Variants in SCAF8 observed in about 807,000 individuals in gnomAD.
SCAF8 encodes the protein SR-related CTD associated factor 8.
SCAF8 carries 23 observed loss-of-function variants against 140.5 expected under a neutral mutation model. That is an observed-to-expected ratio of 0.16 (90% CI 0.12 to 0.23). The LOEUF (loss-of-function observed/expected upper bound fraction) is 0.23. SCAF8 is among the 10% of genes least tolerant of loss of function. The pLI is 1.00. For missense variants in SCAF8, 1,397 were observed against 1,555.7 expected (o/e 0.90, Z 1.72); for synonymous variants, 575 against 528.9 (o/e 1.09, Z -1.20).
intron 18 of SCAF8, among the ~76,000 whole-genome samples, chr6:154,828,748 C>T (rs184204629): frequency 3.2e-4 from 48 of 152,078 alleles, no homozygotes; most frequent in African/African-American, 1.1e-3. Context: ...CTTGGGTTTT[C>T]GTCGAGTCTA....
chr6:154,762,166 A>G (rs1279953718), intron 1 of SCAF8, among the ~76,000 whole-genome samples: 1 of 152,238 alleles, frequency 6.6e-6, no homozygotes, highest in Non-Finnish European at 1.5e-5. Flanking sequence ...ATTGTCACAA[A>G]CTTAGCTTGT....
At chr6:154,803,398 T>C (rs1777825355) in intron 7 of SCAF8, 146 bp from the exon 8 acceptor site, 1 of 665,266 alleles carries the variant, frequency 1.5e-6, no homozygotes, top group African/African-American at 1.8e-5. Flanking sequence ...CAAAACACTT[T>C]ATAATAGTAT....
chr6:154,824,100 A>C, intron 16 of SCAF8, 134 bp from the exon 17 acceptor site: 1 of 820,792 alleles, frequency 1.2e-6, no homozygotes, highest in Non-Finnish European at 1.9e-6. Flanking sequence ...GCAAGTATAC[A>C]AAAAGGGGGC....
chr6:154,745,107 C>G (rs1007370567), intron 1 of SCAF8, among the ~76,000 whole-genome samples: 3 of 152,174 alleles, frequency 2.0e-5, no homozygotes, highest in Non-Finnish European at 4.4e-5. Flanking sequence ...TACATCACAC[C>G]TTACATTCAC....
intron 9 of SCAF8, 99 bp from the exon 10 acceptor site, chr6:154,807,971 G>A (rs1777971111): frequency 9.1e-7 from 1 of 1,099,834 alleles, no homozygotes; most frequent in East Asian, 2.5e-5. Flanking sequence ...TATGGCTCAT[G>A]TTTTTAAACA....
intron 19 of SCAF8, 46 bp from the exon 20 acceptor site, chr6:154,831,893 C>T (rs771845493): frequency 3.0e-5 from 46 of 1,514,256 alleles, no homozygotes; most frequent in Non-Finnish European, 3.9e-5. Flanking sequence ...TTATTGGAAA[C>T]TTTTGACTGT....
chr6:154,770,386 ACACTCTCTCTCTCT>A (rs772990434), intron 1 of SCAF8, among the ~76,000 whole-genome samples: 572 of 133,482 alleles, frequency 4.3e-3, no homozygotes, highest in African/African-American at 0.012. Context: ...ACACACACAC[ACACTCTCTCTCTCT>A]CTCTCTCTCT....
chr6:154,791,968 A>G (rs1041126157), intron 4 of SCAF8, among the ~76,000 whole-genome samples: 2 of 152,064 alleles, frequency 1.3e-5, no homozygotes, highest in African/African-American at 2.4e-5. Flanking sequence ...ACAGATGTCA[A>G]AAGTCTGCTT....
intron 1 of SCAF8, among the ~76,000 whole-genome samples, chr6:154,734,783 T>C (rs1258461217): frequency 6.6e-6 from 1 of 152,184 alleles, no homozygotes; most frequent in Non-Finnish European, 1.5e-5. Flanking sequence ...ACATAGCAAG[T>C]ACACATCTGC....
At chr6:154,781,883 A>T (rs935619569) in intron 3 of SCAF8, among the ~76,000 whole-genome samples, 1 of 152,190 alleles carries the variant, frequency 6.6e-6, no homozygotes, top group Non-Finnish European at 1.5e-5. Context: ...TATTCTCTTC[A>T]TATACCATAA....
intron 1 of SCAF8, 32 bp from the exon 2 acceptor site, chr6:154,773,957 T>C: frequency 7.4e-7 from 1 of 1,358,334 alleles, no homozygotes; most frequent in Non-Finnish European, 1.0e-6. Context: ...TGGAGAGTTT[T>C]GCTGTATGTA....
chr6:154,821,601 G>T (rs948813174), intron 15 of SCAF8, among the ~76,000 whole-genome samples: 3 of 152,170 alleles, frequency 2.0e-5, no homozygotes, highest in Admixed American at 2.0e-4. Flanking sequence ...AAGATCTGAT[G>T]GAGAATGTGA....
At chr6:154,807,241 A>G (rs1777946587) in intron 9 of SCAF8, among the ~76,000 whole-genome samples, 1 of 152,202 alleles carries the variant, frequency 6.6e-6, no homozygotes, top group African/African-American at 2.4e-5. Context: ...TACCAAAAAG[A>G]GAGAACTCTG....
intron 1 of SCAF8, among the ~76,000 whole-genome samples, chr6:154,764,032 T>G (rs1029125757): frequency 1.1e-4 from 16 of 152,190 alleles, no homozygotes; most frequent in African/African-American, 3.6e-4. Context: ...AGTTTTGTGA[T>G]GGAGTAGCCA....
At chr6:154,812,437 T>C (rs1000999099) in intron 12 of SCAF8, among the ~76,000 whole-genome samples, 21 of 152,224 alleles carry the variant, frequency 1.4e-4, no homozygotes, top group Non-Finnish European at 2.5e-4. Context: ...GAACAACTTA[T>C]GTGCCTTAAC....
At chr6:154,810,259 T>C (rs1778051580) in intron 12 of SCAF8, 51 bp downstream of exon 12, 7 of 1,357,794 alleles carry the variant, frequency 5.2e-6, no homozygotes, top group East Asian at 2.4e-5. Context: ...ATTTAAAAAA[T>C]AGTTATCTGC....
Position 154,823,721 on chromosome 6 carries a change from C to G in SCAF8, c.1927-513C>G, listed in dbSNP as rs375871404. 2.5e-3 allele frequency among the ~76,000 whole-genome samples: 380 copies of G among 152,246 alleles called. 3 individuals are homozygous for G. Among genetic ancestry groups the G allele is most frequent in the African/African-American group, 8.5e-3 (352 of 41,558 alleles). On this transcript the variant is annotated intron_variant, in intron 16 of 19. Transcript: ENST00000367178. ...AGGTAGAAGTATCTTTCTGTCAGCA[C>G]AATTGGGATGTTGAATAGACACTTG...
chr6:154,754,596 TTAA>T (rs1351654958), intron 1 of SCAF8, among the ~76,000 whole-genome samples: 7 of 152,238 alleles, frequency 4.6e-5, no homozygotes, highest in African/African-American at 9.6e-5. Flanking sequence ...GTGATAGTGT[TTAA>T]TAATTGACAG....
At chr6:154,764,143 A>G (rs1245002757) in intron 1 of SCAF8, among the ~76,000 whole-genome samples, 2 of 152,246 alleles carry the variant, frequency 1.3e-5, no homozygotes, top group African/African-American at 2.4e-5. Context: ...TGTGGTGCCT[A>G]CAAGTGATAG....
Sources: allele counts gnomAD v4.1 joint callset (sites outside exome capture counted in the v4.1 genomes callset), GRCh38; gene constraint gnomAD v4.1.1; transcripts MANE v1.5; gene names NCBI Gene and HGNC (gene_info 2026-07-23, HGNC 2026-07-21).